Variants in VWF observed in about 807,000 individuals in gnomAD.
VWF encodes the protein von Willebrand factor, also known as Factor VIII related antigen.
Under a neutral mutation model 308.6 loss-of-function variants are expected in VWF, and 176 were observed. That is an observed-to-expected ratio of 0.57 (90% CI 0.50 to 0.65). The LOEUF (loss-of-function observed/expected upper bound fraction) is 0.65. VWF is among the 30% of genes least tolerant of loss of function. The pLI is 0.00. For synonymous variants in VWF, 1,385 were observed against 1,443.4 expected (o/e 0.96, Z 0.92); for missense variants, 3,146 against 3,648.2 (o/e 0.86, Z 3.55).
chr12:6,004,000 A>G (rs1323799807), intron 34 of VWF, among the ~76,000 whole-genome samples: 3 of 152,034 alleles, frequency 2.0e-5, no homozygotes, highest in Non-Finnish European at 2.9e-5. Flanking sequence ...TATTTTTAGT[A>G]GAGACGGGGT....
intron 13 of VWF, among the ~76,000 whole-genome samples, chr12:6,061,919 C>T (rs1944658788): frequency 6.6e-6 from 1 of 152,154 alleles, no homozygotes; most frequent in African/African-American, 2.4e-5. Context: ...ATTAAGCCAG[C>T]CATTAAAGAA....
At chr12:6,041,447 A>G (rs527255386) in intron 18 of VWF, among the ~76,000 whole-genome samples, 1 of 152,020 alleles carries the variant, frequency 6.6e-6, no homozygotes, top group Non-Finnish European at 1.5e-5. Context: ...TTTTTAAAAA[A>G]AAAAGAAATT....
intron 6 of VWF, among the ~76,000 whole-genome samples, chr12:6,092,530 T>TGTGTGTGCACGCGCGTGTGC (rs1440150830): frequency 6.6e-6 from 1 of 151,458 alleles, no homozygotes; most frequent in Non-Finnish European, 1.5e-5. Context: ...TGTGTGTGTG[T>TGTGTGTGCACGCGCGTGTGC]GTGTGCACGC....
chr12:6,048,369 T>A (rs1944470124), intron 16 of VWF, among the ~76,000 whole-genome samples: 1 of 152,040 alleles, frequency 6.6e-6, no homozygotes, highest in Non-Finnish European at 1.5e-5. Flanking sequence ...GGTTTCCCCA[T>A]GTTGGCCAGG....
rs1944188935 is a variant in VWF, at chr12:6,026,107, G to T, written c.2968-61C>A. 1.4e-5 allele frequency: 22 copies of T among 1,611,256 alleles called. No homozygotes were observed. In the South Asian group the frequency reaches 2.4e-4, roughly 18 times the overall value. ...CCCAGGAGCATGCTCTCCGGCTCAG[G>T]GGAAAGGGGAACATTCCTGGCGGCA... On this transcript the variant is annotated intron_variant, in intron 22 of 51. Coordinates refer to ENST00000261405, the MANE Select transcript of VWF (RefSeq NM_000552.5).
intron 38 of VWF, among the ~76,000 whole-genome samples, chr12:5,990,868 TAAAAAAAAAAAAAAAAA>T (rs755717764): frequency 6.7e-4 from 21 of 31,452 alleles, no homozygotes; most frequent in Admixed American, 2.0e-3. Flanking sequence ...CCCATAGAGC[TAAAAAAAAAAAAAAAAA>T]AAAAAAAAAA....
In VWF at chr12:5,968,185, G is replaced by A. The variant is rs1393452647; in HGVS notation, c.7730-18C>T. The A allele has an allele frequency of 9.3e-6, 15 of 1,613,742 alleles. No homozygotes were observed. The highest frequency in any genetic ancestry group is 1.3e-5 in the African/African-American group (1 of 74,920). On this transcript the variant is annotated intron_variant, in intron 45 of 51. Transcript: ENST00000261405. ...CATGCGCTCTGGGGGAGAGAAAAGT[G>A]CAGAGTGAGAGTGGGCAAAACACAC...
rs1256082707 is a variant in VWF, at chr12:5,985,048, A to T, written c.6973T>A (p.Cys2325Ser). 6.2e-7 allele frequency: 1 copy of T among 1,614,098 alleles called. No homozygotes were observed. The highest frequency in any genetic ancestry group is 8.5e-7 in the Non-Finnish European group (1 of 1,180,008). ...ATCCCCCTGGTGGGACACATACCAC[A>T]CTCATACTCGGGGCAGCACTGGTCT... ...NADQCCPEYECVCDPVSCDLP... is the reference protein window; with the variant it reads ...NADQCCPEYESVCDPVSCDLP... Residue 2325 changes from cysteine (C) to serine (S), a missense_variant, in exon 40 of 52, where the codon TGT becomes AGT. Coordinates refer to ENST00000261405, the MANE Select transcript of VWF (RefSeq NM_000552.5).
At chr12:6,033,341 C>T (rs1944293965) in intron 20 of VWF, among the ~76,000 whole-genome samples, 1 of 152,202 alleles carries the variant, frequency 6.6e-6, no homozygotes, top group Non-Finnish European at 1.5e-5. Flanking sequence ...GAAAGGAAAA[C>T]AAGCCACACA....
intron 5 of VWF, among the ~76,000 whole-genome samples, chr12:6,103,046 G>A (rs541715446): frequency 2.6e-4 from 39 of 151,502 alleles, no homozygotes; most frequent in Non-Finnish European, 4.0e-4. Flanking sequence ...CACATAGATC[G>A]GCCAGGCGTG....
intron 5 of VWF, among the ~76,000 whole-genome samples, chr12:6,104,093 A>G (rs1945213726): frequency 6.6e-6 from 1 of 152,184 alleles, no homozygotes; most frequent in African/African-American, 2.4e-5. Flanking sequence ...AACAAATAAT[A>G]TCAGCAAGAA....
Position 6,046,729 on chromosome 12 carries a change from G to A in VWF, c.2275C>T (p.His759Tyr), listed in dbSNP as rs1289593973. The A allele has an allele frequency of 2.5e-6, 4 of 1,614,120 alleles. No individual in the cohort carries two copies. Among genetic ancestry groups the A allele is most frequent in the Non-Finnish European group, 3.4e-6 (4 of 1,180,008 alleles). Residue 759 changes from histidine to tyrosine, a missense_variant, in exon 17 of 52, where the codon CAT becomes TAT. Physicochemically the swap from His to Tyr is moderately conservative, Grantham distance 83. This residue lies in a region of VWF where 1,304 missense variants were observed against 1,353.0 expected (regional missense o/e 0.96). Transcript: ENST00000261405. The surrounding 1 kb of genome is among the most constrained non-coding windows in gnomAD (Gnocchi z 5.0). ...CCAGGGGGACAGTACTCACTGCGAT[G>A]AGACAGGGGACTGCTGAGGACAGCG... Reference protein sequence around the residue: ...PDAVLSSPLSHRSKRSLSCRP... With the variant: ...PDAVLSSPLSYRSKRSLSCRP...
intron 24 of VWF, 67 bp from the exon 25 acceptor site, chr12:6,023,854 G>A (rs1944161375): frequency 6.3e-6 from 10 of 1,576,126 alleles, no homozygotes; most frequent in Non-Finnish European, 7.8e-6. Context: ...TCTTAGTCTG[G>A]GTGCAAATGT....
intron 3 of VWF, among the ~76,000 whole-genome samples, chr12:6,115,392 CT>C (rs1271588822): frequency 3.3e-5 from 5 of 152,132 alleles, no homozygotes; most frequent in African/African-American, 4.8e-5. Context: ...GAAAAACATA[CT>C]ATGGCAGCAG....
At chr12:6,078,856 AT>A (rs1944873929) in intron 6 of VWF, among the ~76,000 whole-genome samples, 1 of 152,174 alleles carries the variant, frequency 6.6e-6, no homozygotes, top group African/African-American at 2.4e-5. Context: ...ACTCAGAGGG[AT>A]AATGGGAACA....
At chr12:6,114,103 C>T (rs545271592) in intron 3 of VWF, among the ~76,000 whole-genome samples, 42 of 152,336 alleles carry the variant, frequency 2.8e-4, no homozygotes, top group Admixed American at 8.5e-4. Context: ...ATGTCACCTC[C>T]GAGCCAAAGG....
In VWF at chr12:5,970,935, G is replaced by A. The variant is rs141487596; in HGVS notation, c.7548+664C>T. Among the ~76,000 whole-genome samples the A allele has an allele frequency of 1.5e-3, 221 of 152,302 alleles. No individual in the cohort carries two copies. In the South Asian group the frequency reaches 0.015, roughly 10 times the overall value. On this transcript the variant is annotated intron_variant, in intron 44 of 51. Coordinates refer to ENST00000261405, the MANE Select transcript of VWF (RefSeq NM_000552.5). ...CATCTGGACTAAAACCGCCAAAGAC[G>A]GAATCCTCTGTGTTTAAGAAAATGG...
chr12:5,978,135 T>C (rs1943552049), intron 42 of VWF, among the ~76,000 whole-genome samples: 1 of 149,430 alleles, frequency 6.7e-6, no homozygotes, highest in South Asian at 2.1e-4. Flanking sequence ...TTATAATAAT[T>C]ATATGATATA....
rs933415466 is a variant in VWF at position 6,002,365 on chromosome 12, T to C, written c.5843-6143A>G. ...ATCAAGAAAAAAGATAATAAACATGTATATAAATTAACAAATGACAAAAGA... is the reference window on the plus strand; with the variant it reads ...ATCAAGAAAAAAGATAATAAACATGCATATAAATTAACAAATGACAAAAGA... On this transcript the variant is annotated intron_variant, in intron 34 of 51. Coordinates refer to ENST00000261405, the MANE Select transcript of VWF (RefSeq NM_000552.5). Among the ~76,000 whole-genome samples, 54 of 151,832 alleles carry C rather than the reference T, an allele frequency of 3.6e-4. 1 individual carries two copies. The highest frequency in any genetic ancestry group is 3.3e-4 in the Admixed American group (5 of 15,260).
Sources: allele counts gnomAD v4.1 joint callset (sites outside exome capture counted in the v4.1 genomes callset), GRCh38; gene constraint gnomAD v4.1.1; regional missense constraint gnomAD v4.1.1; non-coding constraint Gnocchi (gnomAD v3.1); transcripts MANE v1.5; gene names NCBI Gene and HGNC (gene_info 2026-07-23, HGNC 2026-07-21).